ELP4: variants seen among roughly 807,000 people sequenced by gnomAD.
ELP4 encodes elongator acetyltransferase complex subunit 4.
Under a neutral mutation model 48.9 loss-of-function variants are expected in ELP4, and 51 were observed. The ratio of observed to expected loss-of-function variants is 1.04; its 90% confidence interval spans 0.83 to 1.32. The LOEUF (loss-of-function observed/expected upper bound fraction) is 1.32. Among genes scored for constraint, ELP4 ranks in the 40% most tolerant of loss-of-function variants. ELP4 has a pLI of 0.00. For synonymous variants in ELP4, 210 were observed against 189.2 expected (o/e 1.11, Z -0.90); for missense variants, 519 against 514.6 (o/e 1.01, Z -0.08).
intron 6 of ELP4, chr11:31,628,436 T>TACAC (rs55801807): frequency 0.39 from 57,839 of 147,960 alleles, 12,472 homozygotes; most frequent in Middle Eastern, 0.51. Flanking sequence ...GCAAAAGGAA[T>TACAC]ACACACACAC....
intron 2 of ELP4, among the ~76,000 whole-genome samples, chr11:31,532,675 A>T (rs74800533): frequency 0.026 from 4,022 of 152,086 alleles, 168 homozygotes; most frequent in African/African-American, 0.091. Flanking sequence ...TCTCATTACT[A>T]AAAAGTTGTT....
At chr11:31,533,769 G>A (rs952549619) in intron 2 of ELP4, among the ~76,000 whole-genome samples, 2 of 151,918 alleles carry the variant, frequency 1.3e-5, no homozygotes, top group East Asian at 1.9e-4. Flanking sequence ...GGAGGATTAG[G>A]GTGAATGCAA....
At chr11:31,663,958 A>G (rs1945616811) in intron 9 of ELP4, 1 of 152,124 alleles carries the variant, frequency 6.6e-6, no homozygotes. Context: ...AATTATTTTT[A>G]AATTATGTAA....
Position 31,650,097 on chromosome 11 carries a change from T to A in ELP4, c.1037-18T>A. 9.3e-7 allele frequency: 1 copy of A among 1,079,630 alleles called. No individual in the cohort carries two copies. The highest frequency in any genetic ancestry group is 2.4e-5 in the East Asian group (1 of 41,404). 66.9% of individuals were successfully genotyped at this position (1,079,630 alleles called of 1,614,324 possible). ...ACAATGTTTTAAATTTTTTTTCTTTTAATTTCTTTTCCACAAGGATTGATT... is the reference window on the plus strand; with the variant it reads ...ACAATGTTTTAAATTTTTTTTCTTTAAATTTCTTTTCCACAAGGATTGATT... On this transcript the variant is annotated intron_variant, in intron 8 of 9. Coordinates refer to ENST00000640961, the MANE Select transcript of ELP4 (RefSeq NM_019040.5).
intron 3 of ELP4, among the ~76,000 whole-genome samples, chr11:31,564,010 A>C (rs1376632592): frequency 6.6e-6 from 1 of 152,192 alleles, no homozygotes; most frequent in African/African-American, 2.4e-5. Context: ...CTTTTATCAA[A>C]ACACTAATTA....
At chr11:31,534,078 C>T (rs1956457385) in intron 2 of ELP4, among the ~76,000 whole-genome samples, 1 of 152,052 alleles carries the variant, frequency 6.6e-6, no homozygotes, top group Non-Finnish European at 1.5e-5. Flanking sequence ...CCTCGTGATC[C>T]GCCCGCCTCG....
intron 9 of ELP4, among the ~76,000 whole-genome samples, chr11:31,721,053 T>C (rs1397701479): frequency 1.3e-5 from 2 of 152,224 alleles, no homozygotes; most frequent in Non-Finnish European, 2.9e-5. Context: ...TATTTGAAAC[T>C]TGGCAGCTTT....
At chr11:31,515,027 G>GTATATATATATATA (rs1465007823) in intron 1 of ELP4, among the ~76,000 whole-genome samples, 1 of 137,222 alleles carries the variant, frequency 7.3e-6, no homozygotes, top group Admixed American at 7.5e-5. Flanking sequence ...GTGTGTGTGT[G>GTATATATATATATA]TGTGTGTATA....
At chr11:31,590,122 C>T (rs1004027325) in intron 3 of ELP4, among the ~76,000 whole-genome samples, 4 of 151,970 alleles carry the variant, frequency 2.6e-5, no homozygotes, top group East Asian at 1.9e-4. Context: ...TGGCAAAAAC[C>T]GCAATTATTT....
chr11:31,545,516 C>A (rs1956687721), intron 3 of ELP4, among the ~76,000 whole-genome samples: 1 of 144,272 alleles, frequency 6.9e-6, no homozygotes, highest in African/African-American at 2.9e-5. Flanking sequence ...GATTGGTGTA[C>A]CTGAAAGTGA....
chr11:31,546,695 C>A (rs1328984883), intron 3 of ELP4, among the ~76,000 whole-genome samples: 1 of 151,870 alleles, frequency 6.6e-6, no homozygotes, highest in Non-Finnish European at 1.5e-5. Context: ...TTTTTCAGCA[C>A]CACACCACAC....
At chr11:31,781,687 C>T (rs1273715375) in intron 9 of ELP4, among the ~76,000 whole-genome samples, 7 of 151,574 alleles carry the variant, frequency 4.6e-5, no homozygotes, top group South Asian at 2.1e-4. Flanking sequence ...TTAGTAGAGA[C>T]GGGATTTCAC....
chr11:31,600,621 A>G (rs1463690785), intron 4 of ELP4: 1 of 152,184 alleles, frequency 6.6e-6, no homozygotes, highest in Non-Finnish European at 1.5e-5. Flanking sequence ...TTTACATACT[A>G]CTTCACAATT....
chr11:31,665,085 T>C lies in ELP4; in HGVS notation c.1143+14864T>C, dbSNP rs1015367016. On this transcript the variant is annotated intron_variant, in intron 9 of 9. Transcript: ENST00000640961. ...TAATAATGACTGAGTCTCTGTTCAT[T>C]TGAGTTCAAGATTTCCCAAGCGGCA... 1.1e-4 allele frequency among the ~76,000 whole-genome samples: 17 copies of C among 152,164 alleles called. No individual in the cohort carries two copies. In the South Asian group the frequency reaches 1.7e-3, roughly 15 times the overall value.
Position 31,539,654 on chromosome 11 carries a change from T to G in ELP4, c.260-8T>G, listed in dbSNP as rs1016770773. On this transcript the variant is annotated splice_polypyrimidine_tract_variant and splice_region_variant and intron_variant, in intron 2 of 9. Coordinates refer to ENST00000640961, the MANE Select transcript of ELP4 (RefSeq NM_019040.5). ...TATGTTTCTAACTGCAACTTTTCCTTTTTACAGAGGAGGATAAATATAATA... is the reference window on the plus strand; with the variant it reads ...TATGTTTCTAACTGCAACTTTTCCTGTTTACAGAGGAGGATAAATATAATA... 4 of 1,593,026 alleles carry G rather than the reference T, an allele frequency of 2.5e-6. No individual in the cohort carries two copies. The highest frequency in any genetic ancestry group is 3.4e-6 in the Non-Finnish European group (4 of 1,171,816).
intron 9 of ELP4, among the ~76,000 whole-genome samples, chr11:31,720,241 T>C (rs940634657): frequency 7.2e-5 from 11 of 152,318 alleles, no homozygotes; most frequent in Non-Finnish European, 1.3e-4. Flanking sequence ...CAATATGATC[T>C]CCATTTCAAA....
chr11:31,763,535 G>A, intron 9 of ELP4: 1 of 1,609,206 alleles, frequency 6.2e-7, no homozygotes, highest in African/African-American at 1.3e-5. Flanking sequence ...TTTTTAATGA[G>A]CTTCCTTGCA....
At chr11:31,655,769 T>C (rs1945420169) in intron 9 of ELP4, among the ~76,000 whole-genome samples, 1 of 152,000 alleles carries the variant, frequency 6.6e-6, no homozygotes, top group South Asian at 2.1e-4. Context: ...GCTAAAAGTA[T>C]CCTGATTAGG....
intron 3 of ELP4, among the ~76,000 whole-genome samples, chr11:31,576,382 C>T (rs1694106907): frequency 6.6e-6 from 1 of 152,160 alleles, no homozygotes; most frequent in Admixed American, 6.5e-5. Context: ...GACAGATCAA[C>T]AAGACAGAAA....
Sources: gnomAD v4.1 joint callset for allele counts (sites outside exome capture counted in the v4.1 genomes callset) on GRCh38, gnomAD v4.1.1 for gene constraint, MANE v1.5 for transcripts, NCBI Gene and HGNC (gene_info 2026-07-23, HGNC 2026-07-21) for gene names.